BEGAIN: variants seen among roughly 807,000 people sequenced by gnomAD.
The protein encoded by BEGAIN is brain enriched guanylate kinase associated.
BEGAIN carries 19 observed loss-of-function variants against 35.8 expected under a neutral mutation model. That is an observed-to-expected ratio of 0.53 (90% CI 0.37 to 0.78). BEGAIN has a LOEUF of 0.78. Ranked by LOEUF, BEGAIN falls within the 30% of genes least tolerant of loss-of-function variation. The pLI is 0.00. For synonymous variants in BEGAIN, 462 were observed against 388.6 expected (o/e 1.19, Z -2.22); for missense variants, 795 against 853.6 (o/e 0.93, Z 0.85).
At position 100,538,362 on chromosome 14, in the gene BEGAIN, G is replaced by T. The variant is rs1393400500; in HGVS notation, c.1446C>A (p.Arg482=). 6.6e-7 allele frequency: 1 copy of T among 1,511,780 alleles called. No individual in the cohort carries two copies. Among genetic ancestry groups the T allele is most frequent in the East Asian group, 2.3e-5 (1 of 43,128 alleles). 93.6% of individuals were successfully genotyped at this position (1,511,780 alleles called of 1,614,324 possible). ...TGTAGCTGGCGTAGAGCGGGCTGGC[G>T]CGGCCGTCGGCCTTCTTGCCCGGGC... The part of the protein sequence containing the change: ...GGSPGKKADG[R]ASPLYASYKA... Residue 482 remains arginine (R), a synonymous_variant, in exon 7 of 7, where the codon CGC becomes CGA. Coordinates refer to ENST00000554140, the MANE Select transcript of BEGAIN (RefSeq NM_001385089.1).
In BEGAIN at chr14:100,563,454, C is replaced by T. The variant is rs1438092429; in HGVS notation, c.71+4457G>A. 1.3e-5 allele frequency among the ~76,000 whole-genome samples: 2 copies of T among 152,248 alleles called. No individual in the cohort carries two copies. The highest frequency in any genetic ancestry group is 2.4e-5 in the African/African-American group (1 of 41,466). On this transcript the variant is annotated intron_variant, in intron 2 of 6. Transcript: ENST00000554140. This position sits in a 1 kb window ranked among gnomAD's most constrained non-coding sequence, Gnocchi z 4.2. ...GAAGGACCGTGTGAACAGCGAGACG[C>T]GGCGTCCCCCAGGAGGTGTGGCTGC... is the stretch of plus-strand genomic sequence containing the variant.
intron 1 of BEGAIN, among the ~76,000 whole-genome samples, chr14:100,583,692 C>CTTTTTTTTTTTTTTTTTTTTTT (rs56090356): frequency 4.6e-5 from 5 of 108,980 alleles, no homozygotes; most frequent in Admixed American, 1.0e-4. Flanking sequence ...GTTTTTCTTC[C>CTTTTTTTTTTTTTTTTTTTTTT]TTTTTTTTTT....
Position 100,538,042 on chromosome 14 carries a change from C to A in BEGAIN, c.1766G>T (p.Arg589Leu). Reference protein sequence around the residue: ...ARLSPQQAFPRTGGSGLSRKD... With the variant: ...ARLSPQQAFPLTGGSGLSRKD... ...GCGGCTCAGCCCCGAGCCACCAGTC[C>A]GCGGAAAGGCCTGCTGGGGGCTGAG... The change falls in exon 7 of 7, where the codon CGG (arginine) becomes CTG (leucine). Residue 589 changes from arginine to leucine, a missense_variant. Transcript: ENST00000554140. The A allele has an allele frequency of 6.2e-7, 1 of 1,607,786 alleles. No individual in the cohort carries two copies. The highest frequency in any genetic ancestry group is 8.5e-7 in the Non-Finnish European group (1 of 1,178,104).
chr14:100,585,285 C>A (rs1363254013), intron 1 of BEGAIN, among the ~76,000 whole-genome samples: 2 of 105,538 alleles, frequency 1.9e-5, no homozygotes, highest in Admixed American at 9.6e-5. Flanking sequence ...ATCCATCCAT[C>A]CCTCCCATCC....
rs548801907 is a variant in BEGAIN at position 100,545,530 on chromosome 14, G to A, written c.234-464C>T. 37 of 750,676 alleles carry A rather than the reference G, an allele frequency of 4.9e-5. No individual in the cohort carries two copies. The African/African-American group carries it at 6.7e-4, about 14-fold the overall frequency. The allele number at this position is 750,676 out of a possible 1,614,324, so 46.5% of individuals were successfully genotyped here. A position where few individuals can be genotyped will look rare whatever the true frequency, so the allele number is the denominator to read the frequency against. ...ACAGTGAACAAGACTCGGTTCTGCCGGGTAGGAGGAGTGGAGCTGAGTGTC... is the reference window on the plus strand; with the variant it reads ...ACAGTGAACAAGACTCGGTTCTGCCAGGTAGGAGGAGTGGAGCTGAGTGTC... On this transcript the variant is annotated intron_variant, in intron 3 of 6. Coordinates refer to ENST00000554140, the MANE Select transcript of BEGAIN (RefSeq NM_001385089.1).
intron 1 of BEGAIN, among the ~76,000 whole-genome samples, chr14:100,585,990 A>G (rs1369653181): frequency 6.6e-6 from 1 of 152,164 alleles, no homozygotes; most frequent in Non-Finnish European, 1.5e-5. Context: ...GGGAAAATTA[A>G]GGGTTTGCAG....
chr14:100,543,306 GT>G (rs541134086), intron 5 of BEGAIN, among the ~76,000 whole-genome samples: 20 of 139,672 alleles, frequency 1.4e-4, no homozygotes, highest in East Asian at 4.3e-4. Context: ...TTTTTTTTTT[GT>G]TTTTTTTTTT....
In BEGAIN at chr14:100,586,903, C is replaced by G. The variant is rs1304920567; in HGVS notation, c.42+346G>C. On this transcript the variant is annotated intron_variant, in intron 1 of 6. Coordinates refer to ENST00000554140, the MANE Select transcript of BEGAIN (RefSeq NM_001385089.1). The surrounding 1 kb of genome is among the most constrained non-coding windows in gnomAD (Gnocchi z 4.9). ...CCACCCGCCCGGGACAGCGGCGGGTCCCCAGTCCTCCGGCCGCGCCCTTGG... is the reference window on the plus strand; with the variant it reads ...CCACCCGCCCGGGACAGCGGCGGGTGCCCAGTCCTCCGGCCGCGCCCTTGG... Among the ~76,000 whole-genome samples the G allele has an allele frequency of 6.6e-6, 1 of 152,048 alleles. No homozygotes were observed. The highest frequency in any genetic ancestry group is 2.0e-4 in the East Asian group (1 of 5,116).
At chr14:100,542,427 T>G (rs1357406527) in intron 5 of BEGAIN, among the ~76,000 whole-genome samples, 1 of 152,234 alleles carries the variant, frequency 6.6e-6, no homozygotes, top group Non-Finnish European at 1.5e-5. Flanking sequence ...CTCATCTGCA[T>G]GCTGCCTGGG....
chr14:100,542,246 T>C (rs1166344901), intron 5 of BEGAIN, among the ~76,000 whole-genome samples: 1 of 152,186 alleles, frequency 6.6e-6, no homozygotes, highest in Admixed American at 6.5e-5. Flanking sequence ...TCCTTGGCCC[T>C]CTGACCTGGT....
intron 5 of BEGAIN, among the ~76,000 whole-genome samples, chr14:100,541,686 C>A (rs888054387): frequency 2.0e-5 from 3 of 152,234 alleles, no homozygotes; most frequent in Non-Finnish European, 2.9e-5. Flanking sequence ...CCACTGAGCC[C>A]CACCAGCCAC....
intron 1 of BEGAIN, among the ~76,000 whole-genome samples, chr14:100,582,254 C>T (rs1378507489): frequency 6.6e-6 from 1 of 152,214 alleles, no homozygotes; most frequent in African/African-American, 2.4e-5. Context: ...AAGCGATTCT[C>T]CTGCCTCAGC....
In BEGAIN at chr14:100,587,267, CG is replaced by C; in HGVS notation, c.23del (p.Pro8ArgfsTer104). 1 of 190,348 alleles carries C rather than the reference CG, an allele frequency of 5.3e-6. No homozygotes were observed. Among genetic ancestry groups the C allele is most frequent in the Admixed American group, 5.4e-5 (1 of 18,520 alleles). The allele number at this position is 190,348 out of a possible 1,614,324, so 11.8% of individuals were successfully genotyped here. MWTGGRR[P>X]GRLRRAASAA... ...TACTCACCGCCCGGCGCAGCCGGCC[CG>C]GCCGGCGACCGCCAGTCCACATGGC... is the stretch of plus-strand genomic sequence containing the variant. On this transcript the variant is annotated frameshift_variant, in exon 1 of 7. Coordinates refer to ENST00000554140, the MANE Select transcript of BEGAIN (RefSeq NM_001385089.1). LOFTEE classifies it high-confidence loss of function.
intron 5 of BEGAIN, among the ~76,000 whole-genome samples, chr14:100,541,904 T>G (rs2031683339): frequency 6.6e-6 from 1 of 152,182 alleles, no homozygotes; most frequent in Non-Finnish European, 1.5e-5. Context: ...AGGCAAGCAC[T>G]CTGGCCACCC....
At chr14:100,579,472 G>A (rs2035272462) in intron 1 of BEGAIN, among the ~76,000 whole-genome samples, 1 of 152,198 alleles carries the variant, frequency 6.6e-6, no homozygotes, top group Admixed American at 6.5e-5. Flanking sequence ...CTAGGATGCG[G>A]CTTTAGGCTG....
rs781500772 is a variant in BEGAIN at position 100,538,096 on chromosome 14, G to C, written c.1712C>G (p.Ala571Gly). The C allele has an allele frequency of 9.9e-5, 156 of 1,580,926 alleles. No homozygotes were observed. Among genetic ancestry groups the C allele is most frequent in the Non-Finnish European group, 1.2e-4 (142 of 1,165,498 alleles). ...GGCGGCAGGATGCATTTCCGGGGAG[G>C]CCTCCATGGAGCTCGGCTCCAAGGA... is the stretch of plus-strand genomic sequence containing the variant. ...RDSLEPSSME[A>G]SPEMHPAARL... is the part of the protein sequence containing the mutation. The change falls in exon 7 of 7, where the codon GCC (alanine) becomes GGC (glycine). Residue 571 changes from alanine to glycine, a missense_variant. Ala to Gly is a moderately conservative substitution (Grantham distance 60, BLOSUM62 0). Around this residue, in one of 3 missense-constraint regions of BEGAIN, gnomAD observed 664 missense variants for 647.7 expected, o/e 1.03. Transcript: ENST00000554140.
Position 100,586,429 on chromosome 14 carries a change from C to G in BEGAIN, c.42+820G>C, listed in dbSNP as rs2035446337. ...GCCCCGCTCCCGGGTGCCCACTCTG[C>G]TCCCATTCTGCCGGCTCAGGAGACT... is the stretch of plus-strand genomic sequence containing the variant. On this transcript the variant is annotated intron_variant, in intron 1 of 6. Coordinates refer to ENST00000554140, the MANE Select transcript of BEGAIN (RefSeq NM_001385089.1). This position sits in a 1 kb window ranked among gnomAD's most constrained non-coding sequence, Gnocchi z 4.9. Among the ~76,000 whole-genome samples, 1 of 152,220 alleles carries G rather than the reference C, an allele frequency of 6.6e-6. No individual in the cohort carries two copies. Among genetic ancestry groups the G allele is most frequent in the African/African-American group, 2.4e-5 (1 of 41,470 alleles).
Position 100,558,990 on chromosome 14 carries a change from G to C in BEGAIN, c.71+8921C>G, listed in dbSNP as rs192659810. ...AGCCTGGGGCCTGGGGGTTGTTGGGGGGAGCAGACAAGGGGTGGGCCTGGG... is the reference window on the plus strand; with the variant it reads ...AGCCTGGGGCCTGGGGGTTGTTGGGCGGAGCAGACAAGGGGTGGGCCTGGG... On this transcript the variant is annotated intron_variant, in intron 2 of 6. Coordinates refer to ENST00000554140, the MANE Select transcript of BEGAIN (RefSeq NM_001385089.1). This position sits in a 1 kb window ranked among gnomAD's most constrained non-coding sequence, Gnocchi z 4.6. 3.5e-4 allele frequency among the ~76,000 whole-genome samples: 53 copies of C among 152,280 alleles called. 1 individual carries two copies. The highest frequency in any genetic ancestry group is 1.3e-3 in the African/African-American group (52 of 41,566).
rs767351841 is a variant in BEGAIN at position 100,573,894 on chromosome 14, T to G, written c.43-5955A>C. 2.0e-5 allele frequency among the ~76,000 whole-genome samples: 3 copies of G among 148,734 alleles called. No individual in the cohort carries two copies. The highest frequency in any genetic ancestry group is 4.5e-5 in the Non-Finnish European group (3 of 67,226). ...GGGACAGAGCCCGGGACTCTGCCACTGTTGGGGATCAGGAGGTGAGCAGGA... is the reference window on the plus strand; with the variant it reads ...GGGACAGAGCCCGGGACTCTGCCACGGTTGGGGATCAGGAGGTGAGCAGGA... On this transcript the variant is annotated intron_variant, in intron 1 of 6. Transcript: ENST00000554140. This position sits in a 1 kb window ranked among gnomAD's most constrained non-coding sequence, Gnocchi z 4.2.
Sources: gnomAD v4.1 joint callset for allele counts (sites outside exome capture counted in the v4.1 genomes callset) on GRCh38, gnomAD v4.1.1 for gene constraint, gnomAD v4.1.1 regional missense constraint, Gnocchi (gnomAD v3.1) non-coding constraint, MANE v1.5 for transcripts, NCBI Gene and HGNC (gene_info 2026-07-23, HGNC 2026-07-21) for gene names.